Variants in NRP1 observed in about 807,000 individuals in gnomAD.
NRP1 encodes the protein neuropilin 1.
Under a neutral mutation model 106.7 loss-of-function variants are expected in NRP1, and 35 were observed. That is an observed-to-expected ratio of 0.33 (90% confidence interval 0.25 to 0.43). The LOEUF (loss-of-function observed/expected upper bound fraction) is 0.43. Among genes scored for constraint, NRP1 ranks in the 20% least tolerant of loss-of-function variants. The pLI is 1.00. For missense variants in NRP1, 1,024 were observed against 1,170.4 expected (o/e 0.87, Z 1.83); for synonymous variants, 437 against 417.9 (o/e 1.05, Z -0.56).
rs749026902 is a variant in NRP1 at position 33,180,081 on chromosome 10, C to A, written c.2767G>T (p.Ala923Ser). 4 of 1,613,636 alleles carry A rather than the reference C, an allele frequency of 2.5e-6. No individual in the cohort carries two copies. In the African/African-American group the frequency reaches 4.0e-5, roughly 16 times the overall value. The change falls in exon 17 of 17, where the codon GCA becomes TCA. Residue 923 changes from alanine to serine, a missense_variant. Ala to Ser is a moderately conservative substitution (Grantham distance 99). Transcript: ENST00000374867. ...CTTTTCATCTCTGTCTGCCTTCATG[C>A]CTCCGAATAAGTACTCTGTGTATTC... ...KLNTQSTYSE[A>S]
chr10:33,218,636 C>A (rs112991460), intron 8 of NRP1, among the ~76,000 whole-genome samples: 1 of 151,990 alleles, frequency 6.6e-6, no homozygotes, highest in Admixed American at 6.6e-5. Context: ...TGAGCCACTG[C>A]GCCCAGTCCA....
chr10:33,180,238 G>A lies in NRP1; in HGVS notation c.2610C>T (p.Leu870=). Reference sequence around the variant, plus strand: ...GCACGACCCCACAGACAGCCCCCAGGAGGACCCCCAGGGCACTCATGGCTA... The same window carrying A: ...GCACGACCCCACAGACAGCCCCCAGAAGGACCCCCAGGGCACTCATGGCTA... ...TIIAMSALGV[L]LGAVCGVVLY... The change falls in exon 17 of 17, where the codon CTC becomes CTT. Residue 870 remains leucine, a synonymous_variant. Transcript: ENST00000374867. 6.2e-7 allele frequency: 1 copy of A among 1,614,120 alleles called. No homozygotes were observed. Among genetic ancestry groups the A allele is most frequent in the Non-Finnish European group, 8.5e-7 (1 of 1,180,034 alleles).
intron 2 of NRP1, among the ~76,000 whole-genome samples, chr10:33,305,396 AC>A (rs1846078286): frequency 1.3e-5 from 2 of 152,208 alleles, no homozygotes; most frequent in Non-Finnish European, 2.9e-5. Context: ...TAAGTTATAA[AC>A]CCCTGAAGGT....
Position 33,254,138 on chromosome 10 carries a change from T to C in NRP1, c.871A>G (p.Ile291Val). 1 of 1,613,980 alleles carries C rather than the reference T, an allele frequency of 6.2e-7. No homozygotes were observed. The highest frequency in any genetic ancestry group is 8.5e-7 in the Non-Finnish European group (1 of 1,179,972). The change falls in exon 6 of 17, where the codon ATC (isoleucine) becomes GTC (valine). Residue 291 changes from isoleucine (I) to valine (V), a missense_variant. Transcript: ENST00000374867. ...MESGEIHSDQ[I>V]TASSQYSTNW... ...GTGCTATACTGGGAAGAAGCTGTGATCTGGTCAGAATGAATTTCTCCTGAT... is the reference window on the plus strand; with the variant it reads ...GTGCTATACTGGGAAGAAGCTGTGACCTGGTCAGAATGAATTTCTCCTGAT...
At chr10:33,260,227 C>A (rs996876744) in intron 4 of NRP1, among the ~76,000 whole-genome samples, 1 of 152,080 alleles carries the variant, frequency 6.6e-6, no homozygotes, top group Non-Finnish European at 1.5e-5. Context: ...TCATTTCAAA[C>A]GTACAAAATA....
At chr10:33,302,566 G>A (rs967698982) in intron 2 of NRP1, among the ~76,000 whole-genome samples, 17 of 152,226 alleles carry the variant, frequency 1.1e-4, no homozygotes, top group Non-Finnish European at 4.4e-5. Flanking sequence ...TGGCAGAGGT[G>A]ACAGGCAATT....
chr10:33,250,710 C>A (rs546075926), intron 6 of NRP1, among the ~76,000 whole-genome samples: 1 of 152,306 alleles, frequency 6.6e-6, no homozygotes, highest in South Asian at 2.1e-4. Flanking sequence ...CTTCAGCAAT[C>A]TCGTTTTTAA....
intron 6 of NRP1, among the ~76,000 whole-genome samples, chr10:33,243,227 A>G (rs899232615): frequency 6.6e-6 from 1 of 152,194 alleles, no homozygotes; most frequent in Non-Finnish European, 1.5e-5. Flanking sequence ...TATTTGATCT[A>G]AGAAAAAAAA....
chr10:33,289,532 G>T (rs538705181), intron 2 of NRP1, among the ~76,000 whole-genome samples: 1 of 152,190 alleles, frequency 6.6e-6, no homozygotes, highest in Non-Finnish European at 1.5e-5. Flanking sequence ...ATTCCCTAGT[G>T]GTGTTATAAA....
chr10:33,305,712 A>G (rs1247055254), intron 2 of NRP1, among the ~76,000 whole-genome samples: 1 of 152,018 alleles, frequency 6.6e-6, no homozygotes, highest in Non-Finnish European at 1.5e-5. Flanking sequence ...CTAAAAGTCT[A>G]TGATAACGGG....
intron 3 of NRP1, among the ~76,000 whole-genome samples, chr10:33,265,129 A>G (rs951292496): frequency 2.1e-5 from 3 of 143,280 alleles, no homozygotes; most frequent in African/African-American, 7.4e-5. Context: ...ACAAACAAAC[A>G]AACAAACAAA....
chr10:33,247,822 T>G (rs960197433), intron 6 of NRP1, among the ~76,000 whole-genome samples: 7 of 152,194 alleles, frequency 4.6e-5, no homozygotes, highest in African/African-American at 1.7e-4. Flanking sequence ...AGGAAGGATA[T>G]CCACGTCCAT....
At position 33,282,540 on chromosome 10, in the gene NRP1, A is replaced by AC. The variant is rs558001003; in HGVS notation, c.249-11685dup. ...AATTCTTATTTTTTAAAGTTTTTTC[A>AC]CCCCCCAGTAACTACCATAGAACCT... On this transcript the variant is annotated intron_variant, in intron 2 of 16. Transcript: ENST00000374867. Among the ~76,000 whole-genome samples, 46 of 152,118 alleles carry AC rather than the reference A, an allele frequency of 3.0e-4. No individual in the cohort carries two copies. The East Asian group carries it at 8.7e-3, about 29-fold the overall frequency.
chr10:33,319,915 C>G lies in NRP1; in HGVS notation c.248+10793G>C, dbSNP rs1010341074. ...TCGGTGCCATCTTTAAGAGCTGTAA[C>G]TCTCACTGCGAAAGTCCCCAGTTCC... On this transcript the variant is annotated intron_variant, in intron 2 of 16. Transcript: ENST00000374867. 2.0e-5 allele frequency among the ~76,000 whole-genome samples: 3 copies of G among 151,948 alleles called. No individual in the cohort carries two copies. The East Asian group carries it at 5.9e-4, about 30-fold the overall frequency.
chr10:33,224,825 T>A (rs1385054340), intron 7 of NRP1, among the ~76,000 whole-genome samples: 2 of 152,128 alleles, frequency 1.3e-5, no homozygotes, highest in Non-Finnish European at 2.9e-5. Flanking sequence ...TGTTGTTTGG[T>A]TTTCTCCTCC....
At chr10:33,238,753 A>G (rs912605219) in intron 6 of NRP1, among the ~76,000 whole-genome samples, 2 of 152,104 alleles carry the variant, frequency 1.3e-5, no homozygotes, top group African/African-American at 2.4e-5. Context: ...AGTTTCCTCT[A>G]CTCTCAAACA....
At chr10:33,306,931 A>C (rs1218451759) in intron 2 of NRP1, among the ~76,000 whole-genome samples, 1 of 152,232 alleles carries the variant, frequency 6.6e-6, no homozygotes, top group Non-Finnish European at 1.5e-5. Context: ...GAATTTCTCA[A>C]GAAAGTACAC....
In NRP1 at chr10:33,263,650, A is replaced by G; in HGVS notation, c.654T>C (p.Pro218=). 1 of 1,611,718 alleles carries G rather than the reference A, an allele frequency of 6.2e-7. No individual in the cohort carries two copies. The highest frequency in any genetic ancestry group is 2.2e-5 in the East Asian group (1 of 44,860). The change falls in exon 4 of 17, where the codon CCT becomes CCC. Residue 218 remains proline (P), a synonymous_variant. Transcript: ENST00000374867. The part of the protein sequence containing the change: ...YDRLEIWDGF[P]DVGPHIGRYC... ...GGTGCTTCCTGTCATTCTTACCATC[A>G]GGGAATCCATCCCAGATTTCTAGCC...
chr10:33,276,969 GGTGGCTT>G (rs1415888187), intron 2 of NRP1, among the ~76,000 whole-genome samples: 1 of 152,032 alleles, frequency 6.6e-6, no homozygotes, highest in African/African-American at 2.4e-5. Context: ...AGCAGGGTAT[GGTGGCTT>G]GTGCTGTAGT....
Sources: gnomAD v4.1 joint callset for allele counts (sites outside exome capture counted in the v4.1 genomes callset) on GRCh38, gnomAD v4.1.1 for gene constraint, MANE v1.5 for transcripts, NCBI Gene and HGNC (gene_info 2026-07-23, HGNC 2026-07-21) for gene names.